The following RASSF8 variants were observed in gnomAD, a reference collection of about 807,000 sequenced individuals.
RASSF8 encodes Ras association domain family member 8.
RASSF8 carries 22 observed loss-of-function variants against 48.5 expected under a neutral mutation model. The ratio of observed to expected loss-of-function variants is 0.45; its 90% CI spans 0.32 to 0.65. RASSF8 has a LOEUF of 0.65. Among genes scored for constraint, RASSF8 ranks in the 30% least tolerant of loss-of-function variants. The pLI, the probability that RASSF8 is intolerant of heterozygous loss-of-function variation, is 0.03. For synonymous variants in RASSF8, 127 were observed against 171.5 expected (o/e 0.74, Z 2.03); for missense variants, 418 against 489.2 (o/e 0.85, Z 1.37).
At position 25,959,085 on chromosome 12, in the gene RASSF8, C is replaced by T. The variant is rs1041665315; in HGVS notation, c.-266C>T. 6.7e-6 allele frequency: 1 copy of T among 149,576 alleles called. No individual in the cohort carries two copies. The highest frequency in any genetic ancestry group is 1.5e-5 in the Non-Finnish European group (1 of 67,212). The allele number at this position is 149,576 out of a possible 1,614,324, so 9.3% of individuals were successfully genotyped here. On this transcript the variant is annotated 5_prime_UTR_variant, in exon 1 of 6. Coordinates refer to ENST00000689635, the MANE Select transcript of RASSF8 (RefSeq NM_001394098.1). ...GGCCGCGGAGCTCCGGGTGCCGCCG[C>T]GTCCCCAGCGCCCCGGCCGGCCCCT...
chr12:25,961,226 GGATATTGTTGTCTTTTTC>G (rs1770046393), intron 1 of RASSF8, among the ~76,000 whole-genome samples: 1 of 152,114 alleles, frequency 6.6e-6, no homozygotes, highest in Admixed American at 6.6e-5. Context: ...GTTTGCCGTG[GGATATTGTTGTCTTTTTC>G]TTATGGTTAA....
At chr12:26,028,479 T>C (rs561581181) in intron 2 of RASSF8, among the ~76,000 whole-genome samples, 42 of 152,218 alleles carry the variant, frequency 2.8e-4, no homozygotes, top group Non-Finnish European at 5.0e-4. Context: ...ATGGAATAAA[T>C]ACTGTGCTTT....
chr12:25,964,610 CTAAAT>C (rs1941314329), intron 1 of RASSF8, among the ~76,000 whole-genome samples: 2 of 152,180 alleles, frequency 1.3e-5, no homozygotes, highest in African/African-American at 4.8e-5. Flanking sequence ...TCGCTTAAGA[CTAAAT>C]TATTCTTCCA....
chr12:25,977,506 A>G (rs968027727), intron 1 of RASSF8, among the ~76,000 whole-genome samples: 12 of 152,032 alleles, frequency 7.9e-5, no homozygotes, highest in African/African-American at 2.4e-4. Context: ...GAAATAACCC[A>G]GATCATTGCA....
At chr12:26,039,889 A>G (rs1484661972) in intron 2 of RASSF8, among the ~76,000 whole-genome samples, 1 of 152,154 alleles carries the variant, frequency 6.6e-6, no homozygotes, top group Admixed American at 6.5e-5. Context: ...TAATGAATAA[A>G]TAACTTTAGA....
At chr12:25,997,555 G>A (rs1401262949) in intron 2 of RASSF8, among the ~76,000 whole-genome samples, 6 of 152,142 alleles carry the variant, frequency 3.9e-5, no homozygotes, top group Middle Eastern at 6.8e-3. Context: ...CTGTTTTTAC[G>A]GGTTTACATA....
At chr12:26,067,301 A>G (rs1356543909) in intron 4 of RASSF8, among the ~76,000 whole-genome samples, 1 of 152,194 alleles carries the variant, frequency 6.6e-6, no homozygotes, top group Non-Finnish European at 1.5e-5. Flanking sequence ...AGAAGGGTGC[A>G]TAATGGTTTT....
chr12:26,036,624 C>G (rs1165186841), intron 2 of RASSF8, among the ~76,000 whole-genome samples: 1 of 151,928 alleles, frequency 6.6e-6, no homozygotes, highest in South Asian at 2.1e-4. Context: ...AAGTGTATGT[C>G]TGGTCGAGCG....
At chr12:26,004,655 TTACTA>T (rs565156411) in intron 2 of RASSF8, among the ~76,000 whole-genome samples, 28 of 152,238 alleles carry the variant, frequency 1.8e-4, no homozygotes, top group South Asian at 1.2e-3. Flanking sequence ...GAAAATATAT[TTACTA>T]TACAGTAAGT....
chr12:25,963,430 G>A (rs1348046332), intron 1 of RASSF8, among the ~76,000 whole-genome samples: 1 of 150,846 alleles, frequency 6.6e-6, no homozygotes, highest in East Asian at 1.9e-4. Flanking sequence ...TTAGCTTGAT[G>A]TCCTCTAACT....
chr12:25,997,648 G>C (rs988072963), intron 2 of RASSF8, among the ~76,000 whole-genome samples: 2 of 152,142 alleles, frequency 1.3e-5, no homozygotes, highest in African/African-American at 4.8e-5. Context: ...GGCTTGAAAT[G>C]ATCTTGCAGA....
At chr12:26,066,013 T>C (rs1173375135) in intron 4 of RASSF8, among the ~76,000 whole-genome samples, 1 of 152,212 alleles carries the variant, frequency 6.6e-6, no homozygotes, top group Non-Finnish European at 1.5e-5. Flanking sequence ...TGCAAAGATG[T>C]ATCAAACAGT....
intron 2 of RASSF8, among the ~76,000 whole-genome samples, chr12:26,012,382 A>G (rs1381420201): frequency 6.6e-6 from 1 of 152,220 alleles, no homozygotes; most frequent in Non-Finnish European, 1.5e-5. Context: ...TTTTTCCTCA[A>G]ATAGCAGTGT....
chr12:26,079,701 A>G (rs964833694), exon 6 of RASSF8: 2 of 152,212 alleles, frequency 1.3e-5, no homozygotes, highest in Non-Finnish European at 2.9e-5. Context: ...TCAAAGCCAC[A>G]ATGAGATACC....
At position 25,978,255 on chromosome 12, in the gene RASSF8, C is replaced by T. The variant is rs187902837; in HGVS notation, c.-202-16782C>T. Among the ~76,000 whole-genome samples the T allele has an allele frequency of 2.4e-4, 36 of 152,268 alleles. No individual in the cohort carries two copies. In the East Asian group the frequency reaches 6.8e-3, roughly 29 times the overall value. ...GAACACTGTTTAATTCAGGTCAAAT[C>T]AAGTTATTTTTAAGCGCCTAAATGA... On this transcript the variant is annotated intron_variant, in intron 1 of 5. Coordinates refer to ENST00000689635, the MANE Select transcript of RASSF8 (RefSeq NM_001394098.1).
chr12:25,985,374 G>A (rs1028582499), intron 1 of RASSF8, among the ~76,000 whole-genome samples: 7 of 152,100 alleles, frequency 4.6e-5, no homozygotes, highest in Non-Finnish European at 1.0e-4. Flanking sequence ...AGCTCCTGAA[G>A]GCATCACTAG....
intron 1 of RASSF8, among the ~76,000 whole-genome samples, chr12:25,988,265 C>T (rs1394736587): frequency 6.6e-6 from 1 of 152,086 alleles, no homozygotes; most frequent in Non-Finnish European, 1.5e-5. Flanking sequence ...ATAAAGGGAA[C>T]ACAGTGGGAA....
chr12:26,049,875 C>A (rs1413707700), intron 2 of RASSF8, among the ~76,000 whole-genome samples: 1 of 152,198 alleles, frequency 6.6e-6, no homozygotes, highest in Non-Finnish European at 1.5e-5. Flanking sequence ...GCTCCGCCTC[C>A]CAGGTTCACA....
Position 26,064,937 on chromosome 12 carries a change from G to A in RASSF8, c.543G>A (p.Glu181=). ...AGACAGAGAAGCTTCAATCCATTGA[G>A]AAACAGCTGGAATCTAATGAAATAG... ...RLQTEKLQSI[E]KQLESNEIEI... The change falls in exon 4 of 6, where the codon GAG becomes GAA. Residue 181 remains glutamate (E), a synonymous_variant. Coordinates refer to ENST00000689635, the MANE Select transcript of RASSF8 (RefSeq NM_001394098.1). 6.2e-7 allele frequency: 1 copy of A among 1,614,098 alleles called. No homozygotes were observed. Among genetic ancestry groups the A allele is most frequent in the Non-Finnish European group, 8.5e-7 (1 of 1,180,004 alleles).
Sources: gnomAD v4.1 joint callset for allele counts (sites outside exome capture counted in the v4.1 genomes callset) on GRCh38, gnomAD v4.1.1 for gene constraint, MANE v1.5 for transcripts, NCBI Gene and HGNC (gene_info 2026-07-23, HGNC 2026-07-21) for gene names.